Variants in RBFOX1 observed in about 807,000 individuals in gnomAD.
The protein encoded by RBFOX1 is RNA binding protein fox-1 homolog 1.
RBFOX1 carries 8 observed loss-of-function variants against 57.7 expected under a neutral mutation model. The ratio of observed to expected loss-of-function variants is 0.14; its 90% CI spans 0.08 to 0.25. RBFOX1 has a LOEUF of 0.25. RBFOX1 is among the 10% of genes least tolerant of loss of function. The probability of loss-of-function intolerance (pLI) is 1.00; values close to 1 mark genes in which losing one functional copy is unlikely to be tolerated. For synonymous variants in RBFOX1, 326 were observed against 222.4 expected, an observed-to-expected ratio of 1.47 and a Z score of -4.15; for missense variants, 611 against 548.5, an observed-to-expected ratio of 1.11 and a Z score of -1.14.
intron 1 of RBFOX1, among the ~76,000 whole-genome samples, chr16:6,029,596 A>T (rs571210474): frequency 2.8e-4 from 43 of 151,740 alleles, no homozygotes; most frequent in African/African-American, 9.2e-4. Flanking sequence ...ACATGGTGAA[A>T]CCCCGTCTCT....
At chr16:7,564,348 G>A (rs907839904) in intron 5 of RBFOX1, among the ~76,000 whole-genome samples, 1 of 151,688 alleles carries the variant, frequency 6.6e-6, no homozygotes, top group Admixed American at 6.6e-5. Flanking sequence ...GACCAGAGTG[G>A]CCAACATGTT....
At chr16:5,597,170 C>G (rs2047209083) in intron 2 of RBFOX1, among the ~76,000 whole-genome samples, 1 of 151,858 alleles carries the variant, frequency 6.6e-6, no homozygotes, top group Admixed American at 6.6e-5. Context: ...CTCTGTTTCT[C>G]TCTCTTTTGA....
At chr16:5,637,823 G>A (rs1013792351) in intron 3 of RBFOX1, among the ~76,000 whole-genome samples, 6 of 152,022 alleles carry the variant, frequency 3.9e-5, no homozygotes, top group Non-Finnish European at 7.4e-5. Context: ...GGGCCACAGG[G>A]CTTAGCCCCA....
intron 3 of RBFOX1, among the ~76,000 whole-genome samples, chr16:6,700,294 A>C (rs2154141049): frequency 6.6e-6 from 1 of 152,284 alleles, no homozygotes; most frequent in African/African-American, 2.4e-5. Flanking sequence ...ATGAAATGAA[A>C]AATAACAGTA....
intron 3 of RBFOX1, among the ~76,000 whole-genome samples, chr16:5,702,645 C>T (rs2051093886): frequency 6.6e-6 from 1 of 152,182 alleles, no homozygotes; most frequent in Admixed American, 6.5e-5. Flanking sequence ...CAATAAGCTT[C>T]TATAACCTCA....
At chr16:5,940,245 C>G (rs1317488142) in intron 4 of RBFOX1, among the ~76,000 whole-genome samples, 2 of 152,178 alleles carry the variant, frequency 1.3e-5, no homozygotes, top group Admixed American at 6.5e-5. Flanking sequence ...AGGCAAGTCA[C>G]TTTCTACTTC....
intron 3 of RBFOX1, among the ~76,000 whole-genome samples, chr16:5,694,611 T>C (rs2050792854): frequency 6.6e-6 from 1 of 152,110 alleles, no homozygotes; most frequent in Non-Finnish European, 1.5e-5. Context: ...TGCTAGGGTT[T>C]GGGTTATGTC....
At chr16:7,053,442 T>G (rs2050794011) in intron 4 of RBFOX1, among the ~76,000 whole-genome samples, 1 of 152,194 alleles carries the variant, frequency 6.6e-6, no homozygotes, top group Non-Finnish European at 1.5e-5. Context: ...AATAATGTAT[T>G]ACAACTTTAG....
intron 3 of RBFOX1, among the ~76,000 whole-genome samples, chr16:6,689,353 C>A (rs536648151): frequency 9.2e-5 from 14 of 152,094 alleles, no homozygotes; most frequent in Non-Finnish European, 2.1e-4. Flanking sequence ...TAAGTCTTCA[C>A]CTCCACATAT....
Position 7,001,822 on chromosome 16 carries a change from A to G in RBFOX1, c.-15-50235A>G, listed in dbSNP as rs572306231. On this transcript the variant is annotated intron_variant, in intron 3 of 15. Coordinates refer to ENST00000550418, the MANE Select transcript of RBFOX1 (RefSeq NM_018723.4). The stretch of plus-strand genomic sequence containing the variant: ...GCTCAATTTGGGAGATTTTGTGAAC[A>G]TCTTTATTATTATTACTTTAACTCT... 1.4e-4 allele frequency among the ~76,000 whole-genome samples: 22 copies of G among 152,216 alleles called. No homozygotes were observed. The South Asian group carries it at 4.1e-3, about 29-fold the overall frequency.
chr16:6,514,322 C>G (rs916358834), intron 2 of RBFOX1, among the ~76,000 whole-genome samples: 2 of 152,158 alleles, frequency 1.3e-5, no homozygotes, highest in African/African-American at 2.4e-5. Context: ...CCGAGAGTCT[C>G]TGTAGTATGG....
At chr16:6,270,935 C>T (rs184381356) in intron 1 of RBFOX1, among the ~76,000 whole-genome samples, 41 of 152,092 alleles carry the variant, frequency 2.7e-4, no homozygotes, top group African/African-American at 8.9e-4. Context: ...AGCACATTGC[C>T]GAATAAATTC....
chr16:5,448,938 C>G (rs1022756543), intron 1 of RBFOX1, among the ~76,000 whole-genome samples: 2 of 152,204 alleles, frequency 1.3e-5, no homozygotes, highest in East Asian at 3.9e-4. Flanking sequence ...CTCCCACTCT[C>G]TACTGCAGAC....
intron 4 of RBFOX1, among the ~76,000 whole-genome samples, chr16:5,960,445 A>C (rs1026239597): frequency 2.0e-5 from 3 of 152,098 alleles, no homozygotes; most frequent in African/African-American, 7.2e-5. Flanking sequence ...ATGTTCCCCC[A>C]AAGTATTACG....
At chr16:5,620,244 A>T (rs975364012) in intron 3 of RBFOX1, among the ~76,000 whole-genome samples, 1 of 152,112 alleles carries the variant, frequency 6.6e-6, no homozygotes, top group African/African-American at 2.4e-5. Context: ...TGGAGGGGAA[A>T]GCTGAGCTTA....
intron 2 of RBFOX1, among the ~76,000 whole-genome samples, chr16:6,649,180 T>G (rs1291649237): frequency 6.6e-6 from 1 of 152,214 alleles, no homozygotes; most frequent in Non-Finnish European, 1.5e-5. Flanking sequence ...TTTTTGTATT[T>G]GTTTCATGCA....
At chr16:5,871,208 C>G (rs932116591) in intron 4 of RBFOX1, among the ~76,000 whole-genome samples, 1 of 152,222 alleles carries the variant, frequency 6.6e-6, no homozygotes, top group Non-Finnish European at 1.5e-5. Flanking sequence ...GCTTTATCTT[C>G]TGACCAAATT....
At chr16:7,569,057 C>G (rs567000354) in intron 5 of RBFOX1, among the ~76,000 whole-genome samples, 1 of 152,174 alleles carries the variant, frequency 6.6e-6, no homozygotes. Context: ...ACTTTCCTCC[C>G]TTTTAAACCC....
chr16:7,130,477 C>T (rs1034484000), intron 4 of RBFOX1, among the ~76,000 whole-genome samples: 2 of 152,172 alleles, frequency 1.3e-5, no homozygotes, highest in South Asian at 2.1e-4. Context: ...TCATCTCTGT[C>T]TCACTCATTG....
Sources: gnomAD v4.1 joint callset for allele counts (sites outside exome capture counted in the v4.1 genomes callset) on GRCh38, gnomAD v4.1.1 for gene constraint, MANE v1.5 for transcripts, NCBI Gene and HGNC (gene_info 2026-07-23, HGNC 2026-07-21) for gene names.